Variants in ZC3HC1 observed in about 807,000 individuals in gnomAD.
ZC3HC1 encodes the protein zinc finger C3HC-type containing 1, also known as zinc finger C3HC-type protein 1.
In ZC3HC1, 38 loss-of-function variants were observed where a neutral mutation model predicts 61.9. The ratio of observed to expected loss-of-function variants is 0.61; its 90% confidence interval spans 0.47 to 0.81. ZC3HC1 has a LOEUF of 0.81. ZC3HC1 is among the 30% of genes least tolerant of loss of function. The pLI is 0.00. For synonymous variants in ZC3HC1, 213 were observed against 229.9 expected (o/e 0.93, Z 0.67); for missense variants, 554 against 622.7 (o/e 0.89, Z 1.17).
intron 4 of ZC3HC1, among the ~76,000 whole-genome samples, chr7:130,031,197 C>T (rs1389292166): frequency 3.3e-5 from 5 of 151,450 alleles, no homozygotes; most frequent in Non-Finnish European, 5.9e-5. Flanking sequence ...GGCATGGTGG[C>T]GCATGCCTGT....
intron 4 of ZC3HC1, among the ~76,000 whole-genome samples, chr7:130,029,612 G>C (rs1794087256): frequency 6.6e-6 from 1 of 152,126 alleles, no homozygotes; most frequent in African/African-American, 2.4e-5. Flanking sequence ...AGAGGGGCAG[G>C]GTGTTAGGTG....
At chr7:130,043,545 G>T (rs1794758837) in intron 2 of ZC3HC1, 1 of 174,770 alleles carries the variant, frequency 5.7e-6, no homozygotes. Flanking sequence ...TATAGCCAAT[G>T]AACAAAAAGG....
At chr7:130,051,068 C>T (rs1322472042) in intron 1 of ZC3HC1, among the ~76,000 whole-genome samples, 153 bp downstream of exon 1, 2 of 152,216 alleles carry the variant, frequency 1.3e-5, no homozygotes, top group African/African-American at 4.8e-5. Flanking sequence ...CAAAGCCGAT[C>T]AAACATAGTA....
At chr7:130,039,267 G>A (rs954624956) in intron 4 of ZC3HC1, 197 bp downstream of exon 4, 5 of 555,486 alleles carry the variant, frequency 9.0e-6, no homozygotes, top group Admixed American at 6.7e-5. Context: ...TTGCTTGAAC[G>A]CGGGAGGCGA....
At chr7:130,049,814 T>C (rs949664035) in intron 1 of ZC3HC1, among the ~76,000 whole-genome samples, 1 of 151,726 alleles carries the variant, frequency 6.6e-6, no homozygotes, top group Non-Finnish European at 1.5e-5. Context: ...CCTCCCAAAG[T>C]GCTGGGATTA....
chr7:130,037,617 A>C (rs531509241), intron 4 of ZC3HC1, among the ~76,000 whole-genome samples: 4 of 152,280 alleles, frequency 2.6e-5, no homozygotes, highest in South Asian at 2.1e-4. Context: ...TCTTCACTTA[A>C]ACAATTTTAT....
At chr7:130,024,569 T>A (rs1190437227) in intron 6 of ZC3HC1, 63 bp from the exon 7 acceptor site, 2 of 1,539,490 alleles carry the variant, frequency 1.3e-6, no homozygotes, top group African/African-American at 2.7e-5. Flanking sequence ...CTAAGTGCAA[T>A]GTCTTGTGAG....
intron 1 of ZC3HC1, 107 bp downstream of exon 1, chr7:130,051,114 C>CA: frequency 7.1e-7 from 1 of 1,407,664 alleles, no homozygotes; most frequent in Non-Finnish European, 9.5e-7. Flanking sequence ...AAGCCATCCC[C>CA]ACTGCCCGAG....
intron 4 of ZC3HC1, chr7:130,036,551 G>T (rs1794440221): frequency 6.6e-6 from 1 of 151,792 alleles, no homozygotes; most frequent in South Asian, 2.1e-4. Context: ...GACAGAGTGA[G>T]ACTCCATCTC....
intron 1 of ZC3HC1, chr7:130,050,441 A>C (rs1053750322): frequency 6.5e-7 from 1 of 1,530,180 alleles, no homozygotes; most frequent in South Asian, 1.2e-5. Context: ...AAATAAACTT[A>C]CTCTAAGACT....
intron 9 of ZC3HC1, among the ~76,000 whole-genome samples, chr7:130,020,298 A>T (rs1238762834): frequency 7.1e-6 from 1 of 140,456 alleles, no homozygotes; most frequent in African/African-American, 2.7e-5. Flanking sequence ...TTTGAAAGGG[A>T]GTCTCACTCT....
chr7:130,044,915 T>C (rs6942869), intron 2 of ZC3HC1, among the ~76,000 whole-genome samples: 35,344 of 152,134 alleles, frequency 0.23, 4,269 homozygotes, highest in Non-Finnish European at 0.25. Flanking sequence ...AACATAACTG[T>C]TCTGTAATCT....
At chr7:130,033,491 C>T (rs979115973) in intron 4 of ZC3HC1, among the ~76,000 whole-genome samples, 11 of 124,362 alleles carry the variant, frequency 8.8e-5, no homozygotes, top group Admixed American at 6.0e-4. Flanking sequence ...CTTGCTCTGT[C>T]GCCCAGGCTG....
chr7:130,043,911 TCA>T (rs1005615058), intron 2 of ZC3HC1: 1 of 451,190 alleles, frequency 2.2e-6, no homozygotes, highest in African/African-American at 2.0e-5. Flanking sequence ...AAATTATGTT[TCA>T]CAGTGTTGAA....
At chr7:130,030,658 C>CA (rs1449296573) in intron 4 of ZC3HC1, among the ~76,000 whole-genome samples, 1 of 151,546 alleles carries the variant, frequency 6.6e-6, no homozygotes, top group African/African-American at 2.4e-5. Flanking sequence ...AGTTGCTCAA[C>CA]AAAGTCACTC....
At position 130,041,336 on chromosome 7, in the gene ZC3HC1, C is replaced by T. The variant is rs545724797; in HGVS notation, c.259-235G>A. On this transcript the variant is annotated intron_variant, in intron 2 of 9. Coordinates refer to ENST00000358303, the MANE Select transcript of ZC3HC1 (RefSeq NM_016478.5). Reference sequence around the variant, plus strand: ...CCAAGTTGCTGGGACCACAGGTGCACGCCACCACACCCAGCTAATTTTTGT... The same window carrying T: ...CCAAGTTGCTGGGACCACAGGTGCATGCCACCACACCCAGCTAATTTTTGT... 2.6e-3 allele frequency among the ~76,000 whole-genome samples: 388 copies of T among 151,900 alleles called. 1 individual carries two copies. Among genetic ancestry groups the T allele is most frequent in the African/African-American group, 8.5e-3 (353 of 41,446 alleles).
intron 3 of ZC3HC1, chr7:130,039,771 T>C: frequency 2.3e-6 from 1 of 439,062 alleles, no homozygotes; most frequent in South Asian, 4.8e-5. Flanking sequence ...TTTTATTTTT[T>C]TGAGACAGAG....
intron 2 of ZC3HC1, among the ~76,000 whole-genome samples, chr7:130,045,890 CAAAA>C (rs59500095): frequency 2.6e-5 from 1 of 38,590 alleles, no homozygotes; most frequent in African/African-American, 9.0e-5. Flanking sequence ...GACTCCATCT[CAAAA>C]AAAAAAAAAA....
rs796083802 is a variant in ZC3HC1, at chr7:130,050,382, G to A, written c.146+839C>T. On this transcript the variant is annotated intron_variant, in intron 1 of 9. Transcript: ENST00000358303. ...CGTGAGCCACCGCGCCCGGCGACAG[G>A]CATTATTTTAATAAAAATAGGATTA... 5.9e-6 allele frequency: 9 copies of A among 1,520,116 alleles called. No individual in the cohort carries two copies. In the African/African-American group the frequency reaches 9.6e-5, roughly 16 times the overall value. 94.2% of individuals were successfully genotyped at this position (1,520,116 alleles called of 1,614,324 possible).
Sources: allele counts gnomAD v4.1 joint callset (sites outside exome capture counted in the v4.1 genomes callset), GRCh38; gene constraint gnomAD v4.1.1; transcripts MANE v1.5; gene names NCBI Gene and HGNC (gene_info 2026-07-23, HGNC 2026-07-21).